UNC13A: variants seen among roughly 807,000 people sequenced by gnomAD.
The protein encoded by UNC13A is protein unc-13 homolog A.
UNC13A carries 61 observed loss-of-function variants against 219.7 expected under a neutral mutation model. The ratio of observed to expected loss-of-function variants is 0.28; its 90% CI spans 0.23 to 0.34. The LOEUF is 0.34. Ranked by LOEUF, UNC13A falls within the 10% of genes least tolerant of loss-of-function variation. The probability of loss-of-function intolerance (pLI) is 1.00; values close to 1 mark genes in which losing one functional copy is unlikely to be tolerated. For synonymous variants in UNC13A, 920 were observed against 884.6 expected (o/e 1.04, Z -0.71); for missense variants, 1,476 against 2,270.3 (o/e 0.65, Z 7.11).
chr19:17,646,243 CTGGG>C, intron 17 of UNC13A, 132 bp from the exon 18 acceptor site: 2 of 1,258,458 alleles, frequency 1.6e-6, no homozygotes, highest in Non-Finnish European at 2.2e-6. Context: ...GCAGGGCACG[CTGGG>C]CTTGCCAGAG....
chr19:17,628,210 G>T, intron 31 of UNC13A: 1 of 508,234 alleles, frequency 2.0e-6, no homozygotes, highest in Non-Finnish European at 3.5e-6. Context: ...AGAGGGGCTG[G>T]GAACTCTGGG....
At chr19:17,662,860 C>T (rs185690808) in intron 8 of UNC13A, among the ~76,000 whole-genome samples, 165 of 141,398 alleles carry the variant, frequency 1.2e-3, no homozygotes, top group African/African-American at 6.6e-4. Flanking sequence ...GCAGAGCTTG[C>T]GGTGAGCTGA....
At chr19:17,646,430 A>AT (rs1364244714) in intron 17 of UNC13A, among the ~76,000 whole-genome samples, 1 of 151,756 alleles carries the variant, frequency 6.6e-6, no homozygotes, top group Non-Finnish European at 1.5e-5. Context: ...ATCGTTTTGC[A>AT]TTTTTAGTAG....
chr19:17,626,150 TATCCATCCATCCATCCATCC>T (rs35036813), intron 34 of UNC13A: 1 of 148,940 alleles, frequency 6.7e-6, no homozygotes, highest in Non-Finnish European at 1.5e-5. Context: ...TCCAACCATT[TATCCATCCATCCATCCATCC>T]ATCCATCCAT....
In UNC13A at chr19:17,602,110, G is replaced by C. The variant is rs2076470650; in HGVS notation, c.*3944C>G. 6.6e-6 allele frequency: 1 copy of C among 152,522 alleles called. No homozygotes were observed. Among genetic ancestry groups the C allele is most frequent in the Admixed American group, 6.6e-5 (1 of 15,260 alleles). 9.4% of individuals were successfully genotyped at this position (152,522 alleles called of 1,614,324 possible). The stretch of plus-strand genomic sequence containing the variant: ...TGCATCTCTGATGGGGGCATGGTGA[G>C]GTCTCAGGCTCTGGGGCCTGAGAGA... On this transcript the variant is annotated 3_prime_UTR_variant, in exon 44 of 44. Coordinates refer to ENST00000519716, the MANE Select transcript of UNC13A (RefSeq NM_001080421.3).
rs2076699997 is a variant in UNC13A at position 17,619,161 on chromosome 19, T to C, written c.4273-199A>G. On this transcript the variant is annotated intron_variant, in intron 38 of 43. Coordinates refer to ENST00000519716, the MANE Select transcript of UNC13A (RefSeq NM_001080421.3). ...CCTGAAAATCCCGGTCCTGTGAGGA[T>C]AGTCCCCCACCCTCTCAGCCCCACC... is the stretch of plus-strand genomic sequence containing the variant. 18 of 581,582 alleles carry C rather than the reference T, an allele frequency of 3.1e-5. 1 individual carries two copies. The South Asian group carries it at 3.7e-4, about 12-fold the overall frequency. The allele number at this position is 581,582 out of a possible 1,614,324, so 36.0% of individuals were successfully genotyped here. A position where few individuals can be genotyped will look rare whatever the true frequency, so the allele number is the denominator to read the frequency against.
In UNC13A at chr19:17,680,329, A is replaced by G. The variant is rs937471318; in HGVS notation, c.23-4288T>C. Among the ~76,000 whole-genome samples the G allele has an allele frequency of 2.6e-5, 4 of 152,250 alleles. No individual in the cohort carries two copies. The East Asian group carries it at 7.7e-4, about 29-fold the overall frequency. On this transcript the variant is annotated intron_variant, in intron 1 of 43. Coordinates refer to ENST00000519716, the MANE Select transcript of UNC13A (RefSeq NM_001080421.3). ...GCTGTATCAGGGTCAGCGGGGCGGAAGCGCCACCCTTCCCCAGCGGGCTTC... is the reference window on the plus strand; with the variant it reads ...GCTGTATCAGGGTCAGCGGGGCGGAGGCGCCACCCTTCCCCAGCGGGCTTC...
Position 17,606,336 on chromosome 19 carries a change from C to G in UNC13A, c.4830G>C (p.Ala1610=), listed in dbSNP as rs1440795514. 6.5e-7 allele frequency: 1 copy of G among 1,546,488 alleles called. No individual in the cohort carries two copies. Among genetic ancestry groups the G allele is most frequent in the Non-Finnish European group, 8.7e-7 (1 of 1,147,400 alleles). The change falls in exon 44 of 44, where the codon GCG becomes GCC. Residue 1610 remains alanine, a synonymous_variant. Coordinates refer to ENST00000519716, the MANE Select transcript of UNC13A (RefSeq NM_001080421.3). ...CCTGCAGCTCATAGCACTCGGGACC[C>G]GCGTCGGCGCTCAGCGTGCTGCGTG... ...ESFQFTLSAD[A]GPECYELQVC...
intron 7 of UNC13A, among the ~76,000 whole-genome samples, chr19:17,666,198 T>TCTCTCTCTC (rs67292141): frequency 6.9e-6 from 1 of 144,762 alleles, no homozygotes; most frequent in African/African-American, 2.6e-5. Flanking sequence ...TCTTTCTCTC[T>TCTCTCTCTC]TTCTTTCTCT....
At chr19:17,647,799 A>C (rs1159621870) in intron 16 of UNC13A, among the ~76,000 whole-genome samples, 2 of 48,422 alleles carry the variant, frequency 4.1e-5, no homozygotes, top group African/African-American at 8.0e-5. Context: ...CACCCCTCTG[A>C]GTCCCCGCCC....
At position 17,632,118 on chromosome 19, in the gene UNC13A, C is replaced by T. The variant is rs538363446; in HGVS notation, c.3428+664G>A. 5.1e-4 allele frequency among the ~76,000 whole-genome samples: 78 copies of T among 152,326 alleles called. 3 individuals are homozygous for T. The South Asian group carries it at 0.014, about 28-fold the overall frequency. ...TAGAGACAGGGTCTCACCATGTTGG[C>T]CAGGCCGGTCTCAAACTCCTGACCT... On this transcript the variant is annotated intron_variant, in intron 28 of 43. Coordinates refer to ENST00000519716, the MANE Select transcript of UNC13A (RefSeq NM_001080421.3).
intron 1 of UNC13A, among the ~76,000 whole-genome samples, chr19:17,685,858 C>A (rs1007771507): frequency 1.3e-5 from 2 of 152,058 alleles, no homozygotes; most frequent in African/African-American, 4.8e-5. Context: ...CAGCTGAGCT[C>A]AGGCAACACG....
chr19:17,606,034 C>A lies in UNC13A; in HGVS notation c.*20G>T. 1.4e-6 allele frequency: 2 copies of A among 1,472,740 alleles called. No individual in the cohort carries two copies. Among genetic ancestry groups the A allele is most frequent in the Non-Finnish European group, 1.8e-6 (2 of 1,117,336 alleles). 91.2% of individuals were successfully genotyped at this position (1,472,740 alleles called of 1,614,324 possible). ...AGCGCCCTCCGCGCAGGCGCAGTGC[C>A]GCTCGGCCGACCGCCCGCGCTAAGG... On this transcript the variant is annotated 3_prime_UTR_variant, in exon 44 of 44. Transcript: ENST00000519716.
Position 17,606,011 on chromosome 19 carries a change from C to A in UNC13A, c.*43G>T. ...GCAAGCCCCGTCCCTCCCCGCCCAG[C>A]GCCCTCCGCGCAGGCGCAGTGCCGC... On this transcript the variant is annotated 3_prime_UTR_variant, in exon 44 of 44. Coordinates refer to ENST00000519716, the MANE Select transcript of UNC13A (RefSeq NM_001080421.3). The A allele has an allele frequency of 1.4e-6, 2 of 1,394,794 alleles. No individual in the cohort carries two copies. The highest frequency in any genetic ancestry group is 1.6e-5 in the South Asian group (1 of 61,020). The allele number at this position is 1,394,794 out of a possible 1,614,324, so 86.4% of individuals were successfully genotyped here.
chr19:17,610,108 GGAAGTAGAGGGTAA>G lies in UNC13A; in HGVS notation c.4652-23_4652-10del. The stretch of plus-strand genomic sequence containing the variant: ...GTCATTGGCAGCCACCACTGTTGGA[GGAAGTAGAGGGTAA>G]GACAGGTCAGGTTCTCCCAGTTGGA... On this transcript the variant is annotated splice_polypyrimidine_tract_variant and intron_variant, in intron 42 of 43. Coordinates refer to ENST00000519716, the MANE Select transcript of UNC13A (RefSeq NM_001080421.3). The G allele has an allele frequency of 6.2e-7, 1 of 1,614,012 alleles. No homozygotes were observed. Among genetic ancestry groups the G allele is most frequent in the Non-Finnish European group, 8.5e-7 (1 of 1,179,892 alleles).
intron 1 of UNC13A, among the ~76,000 whole-genome samples, chr19:17,687,732 C>T (rs1057105036): frequency 2.0e-5 from 3 of 152,108 alleles, no homozygotes; most frequent in Non-Finnish European, 4.4e-5. Flanking sequence ...CTTCGAATTT[C>T]CAGCCGGGTC....
intron 6 of UNC13A, among the ~76,000 whole-genome samples, chr19:17,666,909 AGAAAGACAG>A (rs879525252): frequency 0.56 from 79,771 of 142,590 alleles, 22,604 homozygotes; most frequent in Middle Eastern, 0.68. Context: ...AGAGAGAGAG[AGAAAGACAG>A]AGACAGAGAC....
At chr19:17,630,897 T>G (rs1233934878) in intron 28 of UNC13A, 147 bp from the exon 29 acceptor site, 2 of 664,850 alleles carry the variant, frequency 3.0e-6, no homozygotes, top group African/African-American at 3.6e-5. Context: ...GCTGCTCCTC[T>G]GCTCGCCTCC....
chr19:17,641,269 C>G (rs901008843), intron 21 of UNC13A, 124 bp downstream of exon 21: 47 of 1,252,316 alleles, frequency 3.8e-5, no homozygotes, highest in Non-Finnish European at 4.9e-5. Flanking sequence ...AATTACGGAA[C>G]CCACCACCAC....
Sources: allele counts gnomAD v4.1 joint callset (sites outside exome capture counted in the v4.1 genomes callset), GRCh38; gene constraint gnomAD v4.1.1; transcripts MANE v1.5; gene names NCBI Gene and HGNC (gene_info 2026-07-23, HGNC 2026-07-21).